B3GALT1: variants seen among roughly 807,000 people sequenced by gnomAD.
B3GALT1 encodes UDP-Gal:betaGlcNAc beta 1,3-galactosyltransferase, polypeptide 1.
A neutral mutation model predicts 23.2 loss-of-function variants in B3GALT1; 10 were observed. That is an observed-to-expected ratio of 0.43 (90% CI 0.27 to 0.73). The LOEUF is 0.73. Ranked by LOEUF, B3GALT1 falls within the 30% of genes least tolerant of loss-of-function variation. The pLI is 0.21. For synonymous variants in B3GALT1, 156 were observed against 141.5 expected (o/e 1.10, Z -0.73); for missense variants, 299 against 405.4 (o/e 0.74, Z 2.25).
intron 1 of B3GALT1, among the ~76,000 whole-genome samples, chr2:167,324,801 C>T (rs560281289): frequency 6.6e-5 from 10 of 152,036 alleles, no homozygotes; most frequent in Non-Finnish European, 1.3e-4. Flanking sequence ...AACATTAGAA[C>T]TTACATCTTC....
rs138093233 is a variant in B3GALT1, at chr2:167,757,374, G to A, written c.-351-61298G>A. On this transcript the variant is annotated intron_variant, in intron 3 of 4. Coordinates refer to ENST00000392690, the MANE Select transcript of B3GALT1 (RefSeq NM_020981.4). ...CACTGTTTCTCAAAGCTGCCTTTCA[G>A]TGACCTCAAGTTTCTGAAAGTACAG... Among the ~76,000 whole-genome samples the A allele has an allele frequency of 1.3e-3, 201 of 152,204 alleles. 1 individual carries two copies. The highest frequency in any genetic ancestry group is 4.5e-3 in the African/African-American group (186 of 41,520).
At chr2:167,362,925 G>A (rs1420914990) in intron 1 of B3GALT1, among the ~76,000 whole-genome samples, 1 of 152,028 alleles carries the variant, frequency 6.6e-6, no homozygotes, top group East Asian at 1.9e-4. Context: ...GTGTGAGCTC[G>A]GCTCACTGCA....
chr2:167,761,634 G>C (rs1687901112), intron 3 of B3GALT1, among the ~76,000 whole-genome samples: 1 of 152,174 alleles, frequency 6.6e-6, no homozygotes, highest in African/African-American at 2.4e-5. Flanking sequence ...TCCTAGATTT[G>C]TGACTATCCA....
intron 3 of B3GALT1, among the ~76,000 whole-genome samples, chr2:167,774,497 G>GTTTTTTTTTTTTT (rs397986581): frequency 1.2e-4 from 10 of 82,984 alleles, no homozygotes; most frequent in African/African-American, 3.8e-4. Flanking sequence ...TTTTTTTTTT[G>GTTTTTTTTTTTTT]TTTTTTTTTT....
intron 1 of B3GALT1, among the ~76,000 whole-genome samples, chr2:167,422,712 A>G (rs544102220): frequency 7.0e-4 from 107 of 152,258 alleles, no homozygotes; most frequent in African/African-American, 2.5e-3. Flanking sequence ...GGAGTTGCCT[A>G]TGACAGCAGA....
chr2:167,681,948 G>C (rs7591667), intron 3 of B3GALT1, among the ~76,000 whole-genome samples: 2 of 152,096 alleles, frequency 1.3e-5, no homozygotes, highest in Non-Finnish European at 2.9e-5. Context: ...TGTCATTAAG[G>C]CAAATCATAT....
chr2:167,299,130 G>A (rs1696405129), intron 1 of B3GALT1, among the ~76,000 whole-genome samples: 1 of 152,068 alleles, frequency 6.6e-6, no homozygotes, highest in Non-Finnish European at 1.5e-5. Context: ...TTAGTGTTTT[G>A]TTTAGTCTTT....
At chr2:167,564,534 C>A (rs1484932034) in intron 2 of B3GALT1, among the ~76,000 whole-genome samples, 1 of 151,960 alleles carries the variant, frequency 6.6e-6, no homozygotes, top group Non-Finnish European at 1.5e-5. Flanking sequence ...GAGGCCGCAG[C>A]GAGCCGAGAC....
At chr2:167,700,906 T>A (rs1686871864) in intron 3 of B3GALT1, among the ~76,000 whole-genome samples, 1 of 152,168 alleles carries the variant, frequency 6.6e-6, no homozygotes, top group African/African-American at 2.4e-5. Flanking sequence ...GTGACATTTG[T>A]AATCACATAG....
chr2:167,620,279 T>G (rs189741473), intron 2 of B3GALT1, among the ~76,000 whole-genome samples: 195 of 152,166 alleles, frequency 1.3e-3, no homozygotes, highest in African/African-American at 4.5e-3. Flanking sequence ...GGCTAACCCA[T>G]AAATACAAAG....
intron 3 of B3GALT1, among the ~76,000 whole-genome samples, chr2:167,784,953 A>G (rs914945505): frequency 1.3e-4 from 20 of 152,316 alleles, no homozygotes; most frequent in African/African-American, 4.8e-4. Context: ...GTAATATTTC[A>G]AGATAGTATC....
At chr2:167,802,432 A>T (rs1209458967) in intron 3 of B3GALT1, among the ~76,000 whole-genome samples, 1 of 152,206 alleles carries the variant, frequency 6.6e-6, no homozygotes, top group African/African-American at 2.4e-5. Context: ...TTATAAAGTA[A>T]TATTTGAATG....
At chr2:167,299,308 A>G (rs917208003) in intron 1 of B3GALT1, among the ~76,000 whole-genome samples, 1 of 152,190 alleles carries the variant, frequency 6.6e-6, no homozygotes, top group East Asian at 1.9e-4. Flanking sequence ...TTTAGATACT[A>G]CTAGACAAGA....
intron 4 of B3GALT1, among the ~76,000 whole-genome samples, chr2:167,860,862 CTTTTCT>C (rs1406971766): frequency 2.1e-5 from 3 of 146,310 alleles, no homozygotes; most frequent in African/African-American, 7.5e-5. Flanking sequence ...TCTCAACTGG[CTTTTCT>C]TTTTTTTTTT....
At chr2:167,519,804 G>T (rs1337215853) in intron 2 of B3GALT1, among the ~76,000 whole-genome samples, 1 of 152,120 alleles carries the variant, frequency 6.6e-6, no homozygotes, top group East Asian at 1.9e-4. Context: ...ATGCACGGTG[G>T]CTCACACCTG....
chr2:167,784,124 C>T (rs1048228560), intron 3 of B3GALT1, among the ~76,000 whole-genome samples: 1 of 152,140 alleles, frequency 6.6e-6, no homozygotes, highest in African/African-American at 2.4e-5. Flanking sequence ...TGTCCCCTGC[C>T]CTTCGCTGTC....
intron 1 of B3GALT1, among the ~76,000 whole-genome samples, chr2:167,476,771 T>C (rs1030286214): frequency 3.3e-5 from 5 of 152,204 alleles, no homozygotes; most frequent in Admixed American, 1.3e-4. Flanking sequence ...TCATCATCTA[T>C]AATTTATTCT....
chr2:167,336,455 G>T (rs1463155321), intron 1 of B3GALT1, among the ~76,000 whole-genome samples: 1 of 152,150 alleles, frequency 6.6e-6, no homozygotes, highest in African/African-American at 2.4e-5. Flanking sequence ...GCAGCACTCT[G>T]AGCAGAGTGT....
At chr2:167,506,720 G>T (rs931362003) in intron 2 of B3GALT1, among the ~76,000 whole-genome samples, 1 of 152,154 alleles carries the variant, frequency 6.6e-6, no homozygotes, top group Non-Finnish European at 1.5e-5. Context: ...GTAGCATGTG[G>T]CATAATACAC....
Sources: allele counts gnomAD v4.1 joint callset (sites outside exome capture counted in the v4.1 genomes callset), GRCh38; gene constraint gnomAD v4.1.1; transcripts MANE v1.5; gene names NCBI Gene and HGNC (gene_info 2026-07-23, HGNC 2026-07-21).